Variants in RAB23 observed in about 807,000 individuals in gnomAD.
The protein encoded by RAB23 is ras-related protein Rab-23.
Under a neutral mutation model 30.0 loss-of-function variants are expected in RAB23, and 15 were observed. The ratio of observed to expected loss-of-function variants is 0.50; its 90% CI spans 0.33 to 0.77. The LOEUF is 0.77. Ranked by LOEUF, RAB23 falls within the 30% of genes least tolerant of loss-of-function variation. The pLI is 0.02. For missense variants in RAB23, 243 were observed against 275.4 expected, an observed-to-expected ratio of 0.88 and a Z score of 0.83; for synonymous variants, 93 against 94.0, an observed-to-expected ratio of 0.99 and a Z score of 0.06.
chr6:57,210,142 T>G, intron 2 of RAB23, 84 bp downstream of exon 2: 1 of 1,460,480 alleles, frequency 6.8e-7, no homozygotes, highest in Non-Finnish European at 9.5e-7. Flanking sequence ...CGAAATCCAC[T>G]GCAATCAGTT....
At chr6:57,218,823 C>T (rs1215101977) in intron 1 of RAB23, among the ~76,000 whole-genome samples, 1 of 149,500 alleles carries the variant, frequency 6.7e-6, no homozygotes, top group African/African-American at 2.5e-5. Context: ...CACTGCACTC[C>T]AGCCTGGGTG....
At chr6:57,205,210 TTAAG>T (rs1382478536) in intron 3 of RAB23, among the ~76,000 whole-genome samples, 1 of 151,442 alleles carries the variant, frequency 6.6e-6, no homozygotes, top group Non-Finnish European at 1.5e-5. Flanking sequence ...TACACATATA[TTAAG>T]TGTGTGTATA....
intron 1 of RAB23, among the ~76,000 whole-genome samples, chr6:57,214,491 A>T (rs1463247542): frequency 6.6e-5 from 10 of 152,090 alleles, no homozygotes; most frequent in Non-Finnish European, 1.0e-4. Flanking sequence ...TTTTGTAGAG[A>T]CAGGGTTTTG....
chr6:57,207,529 C>T, intron 3 of RAB23, 99 bp downstream of exon 3: 2 of 796,216 alleles, frequency 2.5e-6, no homozygotes, highest in South Asian at 3.0e-5. Flanking sequence ...AACTATTCTT[C>T]AAGAGAAGCC....
intron 6 of RAB23, 81 bp downstream of exon 6, chr6:57,193,761 A>AT: frequency 6.5e-7 from 1 of 1,531,142 alleles, no homozygotes; most frequent in South Asian, 1.2e-5. Flanking sequence ...TTTAAATCAC[A>AT]TTTCTGAAAG....
intron 1 of RAB23, among the ~76,000 whole-genome samples, chr6:57,212,607 G>A (rs1474713498): frequency 6.6e-6 from 1 of 151,848 alleles, no homozygotes; most frequent in Non-Finnish European, 1.5e-5. Flanking sequence ...CTTGGCTGGG[G>A]GCAGTGGCTC....
Position 57,194,867 on chromosome 6 carries a change from A to T in RAB23, c.399-15T>A, listed in dbSNP as rs779791425. 7 of 1,491,002 alleles carry T rather than the reference A, an allele frequency of 4.7e-6. No individual in the cohort carries two copies. The highest frequency in any genetic ancestry group is 1.2e-5 in the South Asian group (1 of 84,394). 92.4% of individuals were successfully genotyped at this position (1,491,002 alleles called of 1,614,324 possible). A position where few individuals can be genotyped will look rare whatever the true frequency, so the allele number is the denominator to read the frequency against. ...CAGCTTCCTCACTGCACATCAATTT[A>T]AAAAAAAATGCTTTACAAAGGTGCC... On this transcript the variant is annotated splice_polypyrimidine_tract_variant and intron_variant, in intron 4 of 6. Transcript: ENST00000468148.
At chr6:57,218,468 T>C (rs966581438) in intron 1 of RAB23, among the ~76,000 whole-genome samples, 12 of 152,208 alleles carry the variant, frequency 7.9e-5, no homozygotes, top group South Asian at 2.1e-4. Context: ...ATAGTATCAA[T>C]TGATGCAGAA....
At chr6:57,198,786 T>C (rs1266890297) in intron 3 of RAB23, among the ~76,000 whole-genome samples, 2 of 152,086 alleles carry the variant, frequency 1.3e-5, no homozygotes, top group African/African-American at 4.8e-5. Flanking sequence ...CAATAGGGTA[T>C]TTCCAAGTGT....
At chr6:57,207,403 CAT>C (rs1765489501) in intron 3 of RAB23, among the ~76,000 whole-genome samples, 1 of 152,144 alleles carries the variant, frequency 6.6e-6, no homozygotes, top group East Asian at 1.9e-4. Context: ...CTACATGAGT[CAT>C]ATAATTCTAA....
At chr6:57,199,867 C>T (rs2127999739) in intron 3 of RAB23, among the ~76,000 whole-genome samples, 1 of 152,304 alleles carries the variant, frequency 6.6e-6, no homozygotes, top group East Asian at 1.9e-4. Context: ...TGGACAACCA[C>T]TTGTTTCCAT....
rs189407933 is a variant in RAB23 at position 57,189,040 on chromosome 6, G to T, written c.*1421C>A. On this transcript the variant is annotated 3_prime_UTR_variant, in exon 7 of 7. Coordinates refer to ENST00000468148, the MANE Select transcript of RAB23 (RefSeq NM_016277.5). The stretch of plus-strand genomic sequence containing the variant: ...GATTTTGCAATGCTGTAAAAACCAG[G>T]TATATTGAAAGGGGTTATTTATAGG... The T allele has an allele frequency of 1.3e-5, 2 of 152,092 alleles. No individual in the cohort carries two copies. The highest frequency in any genetic ancestry group is 2.9e-5 in the Non-Finnish European group (2 of 68,006). 9.4% of individuals were successfully genotyped at this position (152,092 alleles called of 1,614,324 possible).
chr6:57,202,579 A>C (rs1283029618), intron 3 of RAB23, among the ~76,000 whole-genome samples: 1 of 152,196 alleles, frequency 6.6e-6, no homozygotes, highest in Non-Finnish European at 1.5e-5. Flanking sequence ...ACCCAAAAGG[A>C]AATCAACATG....
intron 1 of RAB23, among the ~76,000 whole-genome samples, chr6:57,212,897 C>G (rs995462941): frequency 5.9e-5 from 9 of 151,822 alleles, no homozygotes; most frequent in African/African-American, 2.2e-4. Flanking sequence ...AACAAACAAA[C>G]AAACAAAAAA....
At chr6:57,206,522 A>T (rs1030928984) in intron 3 of RAB23, among the ~76,000 whole-genome samples, 3 of 152,208 alleles carry the variant, frequency 2.0e-5, no homozygotes, top group African/African-American at 7.2e-5. Flanking sequence ...CACTGTTATC[A>T]GAAAGGAGGC....
chr6:57,220,238 T>A (rs561269620), intron 1 of RAB23, among the ~76,000 whole-genome samples: 1,849 of 152,290 alleles, frequency 0.012, 21 homozygotes, highest in Non-Finnish European at 0.018. Context: ...TGGCTAAATT[T>A]AAAAAAACTG....
At chr6:57,215,850 A>G (rs146158883) in intron 1 of RAB23, among the ~76,000 whole-genome samples, 25 of 152,334 alleles carry the variant, frequency 1.6e-4, no homozygotes, top group South Asian at 4.1e-4. Flanking sequence ...AAAAATATTT[A>G]AGACAATTAT....
chr6:57,190,568 C>G lies in RAB23; in HGVS notation c.607G>C (p.Gly203Arg). 6.2e-7 allele frequency: 1 copy of G among 1,613,858 alleles called. No individual in the cohort carries two copies. The highest frequency in any genetic ancestry group is 8.5e-7 in the Non-Finnish European group (1 of 1,179,814). ...VFNTSGGSHS[G>R]QNSGTLNGGD... ...CCATTGAGGGTACCTGAATTCTGAC[C>G]GGAGTGACTTCCACCAGATGTATTA... The change falls in exon 7 of 7, where the codon GGT becomes CGT. Residue 203 changes from glycine (G) to arginine (R), a missense_variant. Physicochemically the swap from Gly to Arg is moderately radical, Grantham distance 125 (BLOSUM62 -2). Transcript: ENST00000468148.
rs1396506976 is a variant in RAB23 at position 57,196,020 on chromosome 6, T to G, written c.398+430A>C. On this transcript the variant is annotated intron_variant, in intron 4 of 6. Transcript: ENST00000468148. ...AATTATCTGTTCACAAATTTGAGCA[T>G]AAGAGTTCTGAATATACAAAACAAT... 2.0e-5 allele frequency among the ~76,000 whole-genome samples: 3 copies of G among 152,356 alleles called. No individual in the cohort carries two copies. The East Asian group carries it at 5.8e-4, about 29-fold the overall frequency.
Sources: gnomAD v4.1 joint callset for allele counts (sites outside exome capture counted in the v4.1 genomes callset) on GRCh38, gnomAD v4.1.1 for gene constraint, MANE v1.5 for transcripts, NCBI Gene and HGNC (gene_info 2026-07-23, HGNC 2026-07-21) for gene names.